SGK1: variants seen among roughly 807,000 people sequenced by gnomAD.
SGK1 encodes the protein serine/threonine-protein kinase Sgk1.
A neutral mutation model predicts 64.2 loss-of-function variants in SGK1; 26 were observed. The observed-to-expected ratio is 0.40, with a 90% CI of 0.30 to 0.56. The LOEUF (loss-of-function observed/expected upper bound fraction) is 0.56, where lower values mean the gene tolerates loss of function less well. Ranked by LOEUF, SGK1 falls within the 20% of genes least tolerant of loss-of-function variation. The probability of loss-of-function intolerance (pLI) is 0.38; values close to 1 mark genes in which losing one functional copy is unlikely to be tolerated. For missense variants in SGK1, 519 were observed against 645.6 expected (o/e 0.80, Z 2.12); for synonymous variants, 265 against 239.7 (o/e 1.11, Z -0.98).
At position 134,169,596 on chromosome 6, in the gene SGK1, T is replaced by C. The variant is rs1252468167; in HGVS notation, c.*672A>G. ...TAAAAACCCTTTCTAAAAATAGAAA[T>C]ATTTGTAGCAGCAATGCTTTCTTTA... On this transcript the variant is annotated 3_prime_UTR_variant, in exon 14 of 14. Coordinates refer to ENST00000367858, the MANE Select transcript of SGK1 (RefSeq NM_001143676.3). 1 of 152,548 alleles carries C rather than the reference T, an allele frequency of 6.6e-6. No individual in the cohort carries two copies. The highest frequency in any genetic ancestry group is 1.5e-5 in the Non-Finnish European group (1 of 68,042). 9.4% of individuals were successfully genotyped at this position (152,548 alleles called of 1,614,324 possible).
intron 2 of SGK1, among the ~76,000 whole-genome samples, chr6:134,211,141 T>G (rs1364143107): frequency 6.6e-6 from 1 of 151,990 alleles, no homozygotes; most frequent in Non-Finnish European, 1.5e-5. Flanking sequence ...AAAAAAATTG[T>G]TAAAAGGATA....
At chr6:134,206,963 C>A (rs775319778) in intron 3 of SGK1, among the ~76,000 whole-genome samples, 9 of 151,914 alleles carry the variant, frequency 5.9e-5, no homozygotes, top group Admixed American at 5.9e-4. Flanking sequence ...CGGTGGCTCA[C>A]GCCTGTAATC....
chr6:134,262,428 G>A (rs1286379196), intron 1 of SGK1, among the ~76,000 whole-genome samples: 1 of 151,476 alleles, frequency 6.6e-6, no homozygotes, highest in African/African-American at 2.4e-5. Context: ...CCTGCTTCCA[G>A]TGGGGTTAGA....
intron 3 of SGK1, chr6:134,180,267 T>A (rs1323519437): frequency 6.6e-6 from 1 of 152,168 alleles, no homozygotes; most frequent in Non-Finnish European, 1.5e-5. Flanking sequence ...GGAATGAGAA[T>A]CTACATAGCA....
At chr6:134,171,766 C>G in intron 10 of SGK1, 34 bp from the exon 11 acceptor site, 1 of 1,439,668 alleles carries the variant, frequency 6.9e-7, no homozygotes, top group Non-Finnish European at 9.8e-7. Flanking sequence ...GCGTTTAGAA[C>G]CTGCGAAAGC....
At chr6:134,229,582 T>C (rs909427838) in intron 2 of SGK1, among the ~76,000 whole-genome samples, 1 of 152,180 alleles carries the variant, frequency 6.6e-6, no homozygotes, top group African/African-American at 2.4e-5. Context: ...TTATACAAAA[T>C]CAATTTTTGA....
chr6:134,183,066 C>T (rs1075427), intron 3 of SGK1, among the ~76,000 whole-genome samples: 57,720 of 151,960 alleles, frequency 0.38, 12,775 homozygotes, highest in Non-Finnish European at 0.51. Context: ...GGTCAATAAG[C>T]TTATCCTGCA....
chr6:134,303,404 G>GA (rs990633474), intron 1 of SGK1, among the ~76,000 whole-genome samples: 43 of 149,454 alleles, frequency 2.9e-4, no homozygotes, highest in African/African-American at 8.1e-4. Flanking sequence ...AAAGAAAAAA[G>GA]AAAAAAAAAG....
In SGK1 at chr6:134,269,710, C is replaced by T. The variant is rs1023952856; in HGVS notation, c.70-7562G>A. Among the ~76,000 whole-genome samples the T allele has an allele frequency of 3.1e-4, 46 of 147,316 alleles. 2 individuals are homozygous for T. Among genetic ancestry groups the T allele is most frequent in the African/African-American group, 1.0e-3 (41 of 41,038 alleles). On this transcript the variant is annotated intron_variant, in intron 1 of 13. Coordinates refer to ENST00000367858, the MANE Select transcript of SGK1 (RefSeq NM_001143676.3). ...GTAAGAGACCTGCATGCCTATGCCT[C>T]TCCCAGAGGGTGCATGCTAGCAGGT...
Position 134,303,404 on chromosome 6 carries a change from GA to G in SGK1, c.69+13987del, listed in dbSNP as rs990633474. ...AAGACTCTGTCTCAAAAAGAAAAAA[GA>G]AAAAAAAAGATAGTTAAGGCTTAGA... On this transcript the variant is annotated intron_variant, in intron 1 of 13. Coordinates refer to ENST00000367858, the MANE Select transcript of SGK1 (RefSeq NM_001143676.3). 1.0e-4 allele frequency among the ~76,000 whole-genome samples: 15 copies of G among 149,458 alleles called. No homozygotes were observed. In the South Asian group the frequency reaches 1.7e-3, roughly 17 times the overall value.
At chr6:134,317,171 GCCCAACCCCCTCCT>G (rs921986840) in intron 1 of SGK1, among the ~76,000 whole-genome samples, 2 of 151,984 alleles carry the variant, frequency 1.3e-5, no homozygotes, top group Non-Finnish European at 2.9e-5. Flanking sequence ...AGGCATCTCA[GCCCAACCCCCTCCT>G]CCCAATGCAA....
intron 2 of SGK1, among the ~76,000 whole-genome samples, chr6:134,232,626 A>G (rs932811434): frequency 6.6e-6 from 1 of 151,976 alleles, no homozygotes; most frequent in African/African-American, 2.4e-5. Flanking sequence ...CGAGGTGGGC[A>G]GATCAATTGA....
chr6:134,197,074 A>C (rs1026997652), intron 3 of SGK1, among the ~76,000 whole-genome samples: 2 of 152,060 alleles, frequency 1.3e-5, no homozygotes, highest in Admixed American at 1.3e-4. Context: ...CTCTACAAAA[A>C]ACAAAAAAAT....
chr6:134,209,191 T>C (rs1053086488), intron 2 of SGK1, among the ~76,000 whole-genome samples: 1 of 152,142 alleles, frequency 6.6e-6, no homozygotes, highest in Non-Finnish European at 1.5e-5. Context: ...CCCAGCACTT[T>C]GGGAGGCCGA....
chr6:134,205,288 A>G (rs1197093838), intron 3 of SGK1, among the ~76,000 whole-genome samples: 11 of 152,202 alleles, frequency 7.2e-5, no homozygotes. Flanking sequence ...TATACTGCTG[A>G]TGGACTGAAA....
rs147939116 is a variant in SGK1, at chr6:134,174,532, T to C, written c.416A>G (p.Asn139Ser). The C allele has an allele frequency of 2.0e-5, 32 of 1,613,484 alleles. No homozygotes were observed. Among genetic ancestry groups the C allele is most frequent in the East Asian group, 1.1e-4 (5 of 44,898 alleles). The change falls in exon 4 of 14, where the codon AAT (asparagine) becomes AGT (serine). Residue 139 changes from asparagine to serine, a missense_variant. Physicochemically the swap from Asn to Ser is conservative, Grantham distance 46. Around this residue, in one of 2 missense-constraint regions of SGK1, gnomAD observed 241 missense variants for 236.9 expected, o/e 1.02. Coordinates refer to ENST00000367858, the MANE Select transcript of SGK1 (RefSeq NM_001143676.3). ...TTACTGTTTGCATGCATAGGAGTTA[T>C]TGGCAATCTTCTGAATAAAGTCGTT... Reference protein sequence around the residue: ...GLNDFIQKIANNSYACKHPEV... With the variant: ...GLNDFIQKIASNSYACKHPEV...
In SGK1 at chr6:134,176,334, G is replaced by A. The variant is rs183381777; in HGVS notation, c.362-1748C>T. 7.2e-4 allele frequency among the ~76,000 whole-genome samples: 110 copies of A among 152,348 alleles called. 1 individual carries two copies. The East Asian group carries it at 0.019, about 26-fold the overall frequency. ...TCTTTATGTGAGTCCCACATAAACT[G>A]TGACTTTATCCTGAAAGATTAGCCG... On this transcript the variant is annotated intron_variant, in intron 3 of 13. Coordinates refer to ENST00000367858, the MANE Select transcript of SGK1 (RefSeq NM_001143676.3).
At chr6:134,177,128 C>T (rs944580506) in intron 3 of SGK1, among the ~76,000 whole-genome samples, 4 of 152,032 alleles carry the variant, frequency 2.6e-5, no homozygotes, top group Non-Finnish European at 5.9e-5. Context: ...GCAGGAGAAT[C>T]GCTTGAACCC....
intron 2 of SGK1, among the ~76,000 whole-genome samples, chr6:134,247,904 A>G (rs1385785192): frequency 2.0e-5 from 3 of 152,192 alleles, no homozygotes; most frequent in Admixed American, 6.5e-5. Flanking sequence ...CATTCATAAT[A>G]ACCATTACCA....
Sources: allele counts gnomAD v4.1 joint callset (sites outside exome capture counted in the v4.1 genomes callset), GRCh38; gene constraint gnomAD v4.1.1; regional missense constraint gnomAD v4.1.1; transcripts MANE v1.5; gene names NCBI Gene and HGNC (gene_info 2026-07-23, HGNC 2026-07-21).